Variants in ACAD11 observed in about 807,000 individuals in gnomAD.
ACAD11 encodes acyl-CoA dehydrogenase family member 11.
ACAD11 carries 83 observed loss-of-function variants against 102.2 expected under a neutral mutation model. The observed-to-expected ratio is 0.81, with a 90% CI of 0.68 to 0.97. The LOEUF (loss-of-function observed/expected upper bound fraction) is 0.97, where lower values mean the gene tolerates loss of function less well. Ranked by LOEUF, ACAD11 falls within the 50% of genes least tolerant of loss-of-function variation. The probability of loss-of-function intolerance (pLI) is 0.00; values close to 1 mark genes in which losing one functional copy is unlikely to be tolerated. For missense variants in ACAD11, 901 were observed against 951.7 expected (o/e 0.95, Z 0.70); for synonymous variants, 324 against 319.8 (o/e 1.01, Z -0.14).
intron 11 of ACAD11, among the ~76,000 whole-genome samples, chr3:132,607,709 TTA>T (rs1938911182): frequency 6.6e-6 from 1 of 152,104 alleles, no homozygotes; most frequent in Non-Finnish European, 1.5e-5. Context: ...CCTCAGGATA[TTA>T]TCCAGGAGAA....
At chr3:132,612,190 G>A (rs965827388) in intron 11 of ACAD11, among the ~76,000 whole-genome samples, 1 of 152,034 alleles carries the variant, frequency 6.6e-6, no homozygotes, top group Non-Finnish European at 1.5e-5. Context: ...AGCTGAAACT[G>A]GATCCCTTCT....
Position 132,652,955 on chromosome 3 carries a change from G to C in ACAD11, c.149+6648C>G, listed in dbSNP as rs139383014. 4.3e-3 allele frequency among the ~76,000 whole-genome samples: 661 copies of C among 152,238 alleles called. 17 individuals carry two copies. Among genetic ancestry groups the C allele is most frequent in the Admixed American group, 0.04 (614 of 15,282 alleles). On this transcript the variant is annotated intron_variant, in intron 1 of 19. Coordinates refer to ENST00000264990, the MANE Select transcript of ACAD11 (RefSeq NM_032169.5). Reference sequence around the variant, plus strand: ...TCCACCTCAGGTACTACAACAGTAAGAGCAAAGGGTGCTCCAATAGCCTGA... The same window carrying C: ...TCCACCTCAGGTACTACAACAGTAACAGCAAAGGGTGCTCCAATAGCCTGA...
chr3:132,650,932 C>T (rs939639127), intron 1 of ACAD11, among the ~76,000 whole-genome samples: 1 of 152,186 alleles, frequency 6.6e-6, no homozygotes, highest in Non-Finnish European at 1.5e-5. Context: ...TCTTCTCCAC[C>T]CCCTCAACTC....
chr3:132,609,093 T>TA (rs1938993631), intron 11 of ACAD11, among the ~76,000 whole-genome samples: 1 of 152,052 alleles, frequency 6.6e-6, no homozygotes, highest in Non-Finnish European at 1.5e-5. Context: ...TTGAAACCAA[T>TA]AAGAACAAAG....
chr3:132,573,073 C>T (rs1937427583), intron 17 of ACAD11, among the ~76,000 whole-genome samples: 1 of 152,174 alleles, frequency 6.6e-6, no homozygotes, highest in African/African-American at 2.4e-5. Flanking sequence ...AATGCTCTCC[C>T]TCTCCTTGCC....
chr3:132,657,634 C>T (rs920971215), intron 1 of ACAD11, among the ~76,000 whole-genome samples: 1 of 152,132 alleles, frequency 6.6e-6, no homozygotes, highest in Non-Finnish European at 1.5e-5. Context: ...AGGTATTGCA[C>T]ATCTTTTACT....
At chr3:132,571,199 G>GAGA in intron 17 of ACAD11, among the ~76,000 whole-genome samples, 1 of 151,922 alleles carries the variant, frequency 6.6e-6, no homozygotes, top group East Asian at 1.9e-4. Flanking sequence ...TCTGACTAGT[G>GAGA]TTAGATAGTA....
intron 13 of ACAD11, among the ~76,000 whole-genome samples, chr3:132,581,455 A>G (rs1461281057): frequency 6.6e-6 from 1 of 151,934 alleles, no homozygotes; most frequent in Non-Finnish European, 1.5e-5. Context: ...ATCCCAGAAT[A>G]ATTGCATCAA....
intron 11 of ACAD11, among the ~76,000 whole-genome samples, chr3:132,607,642 G>C (rs1449525405): frequency 6.6e-6 from 1 of 152,064 alleles, no homozygotes; most frequent in Non-Finnish European, 1.5e-5. Flanking sequence ...ACCAAACCTA[G>C]GTTTGACTGG....
chr3:132,576,795 A>G (rs1306671344), intron 16 of ACAD11, 149 bp downstream of exon 16: 3 of 618,664 alleles, frequency 4.8e-6, no homozygotes, highest in Non-Finnish European at 8.5e-6. Context: ...AAGTAATTGC[A>G]GTTCAAAAAC....
At chr3:132,566,590 C>T (rs932608102) in intron 17 of ACAD11, among the ~76,000 whole-genome samples, 1 of 152,066 alleles carries the variant, frequency 6.6e-6, no homozygotes, top group Non-Finnish European at 1.5e-5. Flanking sequence ...AGAAAAATGA[C>T]ACCTTACCTA....
intron 5 of ACAD11, among the ~76,000 whole-genome samples, chr3:132,632,873 T>G (rs1940107617): frequency 6.6e-6 from 1 of 152,228 alleles, no homozygotes; most frequent in South Asian, 2.1e-4. Context: ...GATTTGGCTC[T>G]CTGTCTGTTA....
chr3:132,581,428 G>A (rs1937595756), intron 13 of ACAD11, among the ~76,000 whole-genome samples: 1 of 151,904 alleles, frequency 6.6e-6, no homozygotes, highest in Admixed American at 6.6e-5. Context: ...TGGATCCCAG[G>A]AAAGTATTAT....
At chr3:132,646,958 A>C (rs1940739328) in intron 1 of ACAD11, among the ~76,000 whole-genome samples, 1 of 152,120 alleles carries the variant, frequency 6.6e-6, no homozygotes, top group Non-Finnish European at 1.5e-5. Context: ...ATTGGGAACT[A>C]TGAGGTTTCT....
intron 12 of ACAD11, 57 bp from the exon 13 acceptor site, chr3:132,603,384 A>G (rs1379086714): frequency 1.4e-6 from 2 of 1,471,538 alleles, no homozygotes; most frequent in Non-Finnish European, 1.9e-6. Flanking sequence ...GTAGACTTAG[A>G]TAAGGATATG....
intron 11 of ACAD11, among the ~76,000 whole-genome samples, chr3:132,605,744 C>G (rs1402647606): frequency 6.6e-6 from 1 of 152,240 alleles, no homozygotes; most frequent in Non-Finnish European, 1.5e-5. Context: ...GCCACCTCCT[C>G]TGCAAAGAAT....
chr3:132,580,703 A>G (rs983281024), intron 13 of ACAD11, among the ~76,000 whole-genome samples: 2 of 152,072 alleles, frequency 1.3e-5, no homozygotes, highest in African/African-American at 4.8e-5. Flanking sequence ...ATACTAAAAT[A>G]TTTGGGAAAG....
chr3:132,579,138 T>C, intron 14 of ACAD11: 3 of 1,176,958 alleles, frequency 2.5e-6, no homozygotes, highest in Non-Finnish European at 3.4e-6. Context: ...ACTGGGAACT[T>C]ATATATATAA....
At chr3:132,577,309 G>A (rs1264286064) in intron 15 of ACAD11, among the ~76,000 whole-genome samples, 4 of 152,086 alleles carry the variant, frequency 2.6e-5, no homozygotes, top group Non-Finnish European at 5.9e-5. Flanking sequence ...TCCAGCCAGA[G>A]TATTTTATTT....
Sources: allele counts gnomAD v4.1 joint callset (sites outside exome capture counted in the v4.1 genomes callset), GRCh38; gene constraint gnomAD v4.1.1; transcripts MANE v1.5; gene names NCBI Gene and HGNC (gene_info 2026-07-23, HGNC 2026-07-21).